SLC44A5: variants seen among roughly 807,000 people sequenced by gnomAD.
The protein encoded by SLC44A5 is solute carrier family 44 member 5, also known as choline transporter-like protein 5.
A neutral mutation model predicts 101.8 loss-of-function variants in SLC44A5; 57 were observed. The observed-to-expected ratio is 0.56, with a 90% confidence interval of 0.45 to 0.70. The LOEUF is 0.70. Among genes scored for constraint, SLC44A5 ranks in the 30% least tolerant of loss-of-function variants. The pLI is 0.00. For synonymous variants in SLC44A5, 281 were observed against 290.9 expected (o/e 0.97, Z 0.35); for missense variants, 737 against 853.1 (o/e 0.86, Z 1.70).
chr1:75,264,031 A>G (rs1650772395), intron 6 of SLC44A5, among the ~76,000 whole-genome samples: 4 of 151,834 alleles, frequency 2.6e-5, no homozygotes, highest in Admixed American at 2.6e-4. Context: ...CCTAGTGTAG[A>G]CGACAGGTTG....
At chr1:75,717,192 T>C in the SLC44A5 span, among the ~76,000 whole-genome samples, 5 of 151,306 alleles carry the variant, frequency 3.3e-5, no homozygotes, top group African/African-American at 4.9e-5. Flanking sequence ...AAACGAAATA[T>C]TGGCCCAGCG....
intron 4 of SLC44A5, among the ~76,000 whole-genome samples, chr1:75,305,937 T>C (rs1175072708): frequency 6.6e-6 from 1 of 152,236 alleles, no homozygotes; most frequent in East Asian, 1.9e-4. Flanking sequence ...TATTATAGCC[T>C]AGATCAAGGG....
the SLC44A5 span, among the ~76,000 whole-genome samples, chr1:75,652,420 G>A: frequency 6.6e-6 from 1 of 151,936 alleles, no homozygotes; most frequent in Non-Finnish European, 1.5e-5. Context: ...TTCTGAGAAG[G>A]CAAGAATTGA....
chr1:75,576,612 C>T (rs1271796616), intron 1 of SLC44A5, among the ~76,000 whole-genome samples: 2 of 152,166 alleles, frequency 1.3e-5, no homozygotes, highest in African/African-American at 4.8e-5. Context: ...AGCCACCGCA[C>T]CTGGCCTAAA....
chr1:75,691,426 T>C, the SLC44A5 span, among the ~76,000 whole-genome samples: 2 of 152,052 alleles, frequency 1.3e-5, no homozygotes, highest in African/African-American at 2.4e-5. Flanking sequence ...AAAATGAATA[T>C]AGAGCAAAGA....
At chr1:75,486,833 C>T (rs1272092482) in intron 2 of SLC44A5, among the ~76,000 whole-genome samples, 1 of 152,210 alleles carries the variant, frequency 6.6e-6, no homozygotes, top group East Asian at 1.9e-4. Flanking sequence ...CTGAATCCTA[C>T]TGTTCTTGAT....
At chr1:75,248,418 T>C (rs1446076117) in intron 7 of SLC44A5, among the ~76,000 whole-genome samples, 1 of 152,132 alleles carries the variant, frequency 6.6e-6, no homozygotes, top group Non-Finnish European at 1.5e-5. Flanking sequence ...TGGGCTGGTC[T>C]TAGAAGCACA....
intron 2 of SLC44A5, among the ~76,000 whole-genome samples, chr1:75,484,328 G>T (rs1668036644): frequency 6.6e-6 from 1 of 152,194 alleles, no homozygotes; most frequent in African/African-American, 2.4e-5. Flanking sequence ...CCAAATGGGA[G>T]AAATTGGCCA....
chr1:75,692,283 T>A, the SLC44A5 span, among the ~76,000 whole-genome samples: 3 of 135,640 alleles, frequency 2.2e-5, no homozygotes, highest in Non-Finnish European at 4.6e-5. Context: ...AACCTCCACC[T>A]CCTGGGCTCA....
intron 1 of SLC44A5, among the ~76,000 whole-genome samples, chr1:75,579,068 C>T (rs2102062755): frequency 6.6e-6 from 1 of 152,158 alleles, no homozygotes; most frequent in East Asian, 1.9e-4. Context: ...GTTCTAAATG[C>T]TCATTATTAA....
intron 2 of SLC44A5, among the ~76,000 whole-genome samples, chr1:75,417,574 T>C (rs1200444051): frequency 1.3e-5 from 2 of 152,242 alleles, no homozygotes; most frequent in South Asian, 2.1e-4. Flanking sequence ...ACAGAAGTCA[T>C]GGAATGAGTT....
At chr1:75,643,100 T>G in the SLC44A5 span, among the ~76,000 whole-genome samples, 84 of 152,282 alleles carry the variant, frequency 5.5e-4, 1 homozygote, top group African/African-American at 1.9e-3. Context: ...CTGTTAAAAA[T>G]TATAAAATTA....
chr1:75,511,195 A>C (rs561855840), intron 2 of SLC44A5, among the ~76,000 whole-genome samples: 1 of 152,292 alleles, frequency 6.6e-6, no homozygotes, highest in Non-Finnish European at 1.5e-5. Flanking sequence ...CTTGGGAAAA[A>C]TTCAAAATGT....
the SLC44A5 span, among the ~76,000 whole-genome samples, chr1:75,663,935 T>A: frequency 1.7e-3 from 263 of 152,194 alleles, 1 homozygote; most frequent in African/African-American, 5.8e-3. Flanking sequence ...CTGAATCCAG[T>A]GGCATATCAA....
the SLC44A5 span, among the ~76,000 whole-genome samples, chr1:75,690,418 G>C: frequency 2.0e-5 from 3 of 152,170 alleles, no homozygotes; most frequent in Admixed American, 6.5e-5. Context: ...TTTGAGATGA[G>C]ACTTGGGTGG....
chr1:75,261,341 C>T (rs940348923), intron 6 of SLC44A5, among the ~76,000 whole-genome samples: 5 of 152,034 alleles, frequency 3.3e-5, no homozygotes, highest in Admixed American at 6.6e-5. Context: ...GGGGATATCA[C>T]CACCGATCCC....
At chr1:75,311,533 T>A in intron 4 of SLC44A5, 1 of 984,132 alleles carries the variant, frequency 1.0e-6, no homozygotes, top group Non-Finnish European at 1.2e-6. Flanking sequence ...ACATAACAGG[T>A]ACCAGCTCCT....
chr1:75,564,149 TG>T (rs1672660141), intron 1 of SLC44A5, among the ~76,000 whole-genome samples: 1 of 152,190 alleles, frequency 6.6e-6, no homozygotes, highest in Non-Finnish European at 1.5e-5. Context: ...TGCAATATGC[TG>T]ATCAATATCA....
At chr1:75,385,649 T>C (rs1438546719) in intron 3 of SLC44A5, among the ~76,000 whole-genome samples, 1 of 152,160 alleles carries the variant, frequency 6.6e-6, no homozygotes, top group Non-Finnish European at 1.5e-5. Context: ...GCTGCTACCA[T>C]TCCTTCTGAA....
Sources: gnomAD v4.1 joint callset for allele counts (sites outside exome capture counted in the v4.1 genomes callset) on GRCh38, gnomAD v4.1.1 for gene constraint, MANE v1.5 for transcripts, NCBI Gene and HGNC (gene_info 2026-07-23, HGNC 2026-07-21) for gene names.